The following SORBS2 variants were observed in gnomAD, a reference collection of about 807,000 sequenced individuals.
The protein encoded by SORBS2 is sorbin and SH3 domain-containing protein 2.
In SORBS2, 46 loss-of-function variants were observed where a neutral mutation model predicts 97.7. The observed-to-expected ratio is 0.47, with a 90% confidence interval of 0.37 to 0.60. The LOEUF (loss-of-function observed/expected upper bound fraction) is 0.60, where lower values mean the gene tolerates loss of function less well. SORBS2 is among the 20% of genes least tolerant of loss of function. SORBS2 has a pLI of 0.00. For missense variants in SORBS2, 1,316 were observed against 1,282.3 expected (o/e 1.03, Z -0.40); for synonymous variants, 476 against 473.4 (o/e 1.01, Z -0.07).
chr4:185,892,557 G>A (rs1003288686), intron 1 of SORBS2, among the ~76,000 whole-genome samples: 1 of 152,232 alleles, frequency 6.6e-6, no homozygotes, highest in African/African-American at 2.4e-5. Context: ...ACAAAACGTG[G>A]TGCATACATA....
intron 1 of SORBS2, among the ~76,000 whole-genome samples, chr4:185,862,584 C>T (rs1301857107): frequency 6.6e-5 from 10 of 152,228 alleles, no homozygotes; most frequent in Non-Finnish European, 1.0e-4. Flanking sequence ...TAACTAAGCC[C>T]TTGACTTCTT....
chr4:185,914,245 A>C (rs2099256859), intron 1 of SORBS2, among the ~76,000 whole-genome samples: 1 of 152,242 alleles, frequency 6.6e-6, no homozygotes, highest in Non-Finnish European at 1.5e-5. Flanking sequence ...TAGGAAAGTT[A>C]GAAATAAGTA....
At chr4:185,853,878 A>C (rs1333193512) in intron 1 of SORBS2, among the ~76,000 whole-genome samples, 4 of 152,178 alleles carry the variant, frequency 2.6e-5, no homozygotes, top group Non-Finnish European at 5.9e-5. Context: ...TGTGTCTGGG[A>C]CTTTTGGTAA....
chr4:185,824,848 C>G (rs2099198882), intron 1 of SORBS2, among the ~76,000 whole-genome samples: 1 of 152,146 alleles, frequency 6.6e-6, no homozygotes, highest in South Asian at 2.1e-4. Context: ...AAGAATCTTC[C>G]AGGGTAACAT....
chr4:185,683,616 T>G (rs556825731), intron 2 of SORBS2, among the ~76,000 whole-genome samples: 117 of 152,322 alleles, frequency 7.7e-4, no homozygotes, highest in Middle Eastern at 3.4e-3. Context: ...GATTTTTTTT[T>G]AACCAAAATG....
chr4:185,923,643 T>C (rs1297468094), intron 1 of SORBS2, among the ~76,000 whole-genome samples: 1 of 151,834 alleles, frequency 6.6e-6, no homozygotes, highest in Non-Finnish European at 1.5e-5. Flanking sequence ...GAAACTCCAC[T>C]TGCAATCTGA....
At chr4:185,851,150 G>T (rs74832840) in intron 1 of SORBS2, among the ~76,000 whole-genome samples, 1 of 152,036 alleles carries the variant, frequency 6.6e-6, no homozygotes, top group Non-Finnish European at 1.5e-5. Flanking sequence ...GGGGACCCTC[G>T]GCTGATACCA....
chr4:185,895,163 A>G (rs560887245), intron 1 of SORBS2, among the ~76,000 whole-genome samples: 131 of 152,378 alleles, frequency 8.6e-4, no homozygotes, highest in African/African-American at 3.1e-3. Flanking sequence ...CAAAATTCTC[A>G]TTCTCAGCCT....
chr4:185,941,552 C>T (rs1212005278), intron 1 of SORBS2, among the ~76,000 whole-genome samples: 2 of 152,192 alleles, frequency 1.3e-5, no homozygotes, highest in Non-Finnish European at 2.9e-5. Flanking sequence ...TATAATCTCA[C>T]ACAAAGCTGA....
intron 1 of SORBS2, among the ~76,000 whole-genome samples, chr4:185,873,334 C>A (rs182784076): frequency 6.6e-6 from 1 of 152,250 alleles, no homozygotes; most frequent in East Asian, 1.9e-4. Flanking sequence ...TAATGATGCC[C>A]GCTTCTATTT....
intron 2 of SORBS2, among the ~76,000 whole-genome samples, chr4:185,762,267 G>T (rs145333212): frequency 1.7e-3 from 263 of 152,306 alleles, no homozygotes; most frequent in African/African-American, 5.8e-3. Flanking sequence ...GAAGAGCAGG[G>T]TGGGAGTTGG....
rs1582692148 is a variant in SORBS2, at chr4:185,684,678, T to C, written c.-197-5856A>G. 1 of 1,077,898 alleles carries C rather than the reference T, an allele frequency of 9.3e-7. No individual in the cohort carries two copies. The highest frequency in any genetic ancestry group is 2.6e-5 in the East Asian group (1 of 37,994). The allele number at this position is 1,077,898 out of a possible 1,614,324, so 66.8% of individuals were successfully genotyped here. ...CAAGATCTCATTTTCCTTTGCTTTT[T>C]ACGTTTAGAACAAAAACAGTCAGAA... is the stretch of plus-strand genomic sequence containing the variant. On this transcript the variant is annotated intron_variant, in intron 2 of 20. Coordinates refer to the SORBS2 transcript ENST00000284776. This position sits in a 1 kb window ranked among gnomAD's most constrained non-coding sequence, Gnocchi z 4.2.
chr4:185,945,090 C>T (rs928333397), intron 1 of SORBS2, among the ~76,000 whole-genome samples: 2 of 152,220 alleles, frequency 1.3e-5, no homozygotes, highest in Admixed American at 1.3e-4. Context: ...CCACGTTTTA[C>T]TCAAGTTGGT....
At chr4:185,748,356 T>C (rs556825817) in intron 2 of SORBS2, among the ~76,000 whole-genome samples, 1 of 152,310 alleles carries the variant, frequency 6.6e-6, no homozygotes, top group East Asian at 1.9e-4. Flanking sequence ...TCATGCTGGT[T>C]TTGATTTAGG....
chr4:185,638,054 A>G (rs765791279), intron 4 of SORBS2, 25 bp downstream of exon 15: 1 of 1,343,172 alleles, frequency 7.4e-7, no homozygotes, highest in Non-Finnish European at 1.1e-6. Flanking sequence ...TAGTTTTCTT[A>G]TATTAATAGT....
chr4:185,741,996 T>C (rs558322315), intron 2 of SORBS2, among the ~76,000 whole-genome samples: 1 of 152,334 alleles, frequency 6.6e-6, no homozygotes, highest in South Asian at 2.1e-4. Context: ...CTGCCAAGGC[T>C]GGAGGCCCTC....
intron 2 of SORBS2, among the ~76,000 whole-genome samples, chr4:185,720,408 C>T (rs1430899314): frequency 6.6e-6 from 1 of 152,296 alleles, no homozygotes; most frequent in Non-Finnish European, 1.5e-5. Context: ...TTCCTTCTAA[C>T]TGTCTTGGGT....
At chr4:185,857,701 G>A (rs574035414) in intron 1 of SORBS2, among the ~76,000 whole-genome samples, 216 of 152,254 alleles carry the variant, frequency 1.4e-3, no homozygotes, top group African/African-American at 5.0e-3. Context: ...GCATTCCTGT[G>A]GGGAGGTCTA....
At chr4:185,664,166 T>C (rs2097564769) in intron 4 of SORBS2, among the ~76,000 whole-genome samples, 1 of 152,206 alleles carries the variant, frequency 6.6e-6, no homozygotes, top group Non-Finnish European at 1.5e-5. Flanking sequence ...GATTTATTCT[T>C]TTATTGTGTT....
Sources: gnomAD v4.1 joint callset for allele counts (sites outside exome capture counted in the v4.1 genomes callset) on GRCh38, gnomAD v4.1.1 for gene constraint, Gnocchi (gnomAD v3.1) non-coding constraint, MANE v1.5 for transcripts, NCBI Gene and HGNC (gene_info 2026-07-23, HGNC 2026-07-21) for gene names.